PARP6: variants seen among roughly 807,000 people sequenced by gnomAD.
PARP6 encodes the protein protein mono-ADP-ribosyltransferase PARP6.
A neutral mutation model predicts 92.0 loss-of-function variants in PARP6; 27 were observed. That is an observed-to-expected ratio of 0.29 (90% CI 0.22 to 0.40). The LOEUF (loss-of-function observed/expected upper bound fraction) is 0.40, where lower values mean the gene tolerates loss of function less well. PARP6 is among the 10% of genes least tolerant of loss of function. The pLI is 1.00. For synonymous variants in PARP6, 272 were observed against 281.2 expected, an observed-to-expected ratio of 0.97 and a Z score of 0.33; for missense variants, 501 against 784.5, an observed-to-expected ratio of 0.64 and a Z score of 4.32.
At chr15:72,258,360 ACT>A (rs2085404962) in intron 11 of PARP6, among the ~76,000 whole-genome samples, 2 of 152,206 alleles carry the variant, frequency 1.3e-5, no homozygotes, top group Admixed American at 6.5e-5. Flanking sequence ...CTGGGTTAAC[ACT>A]GTACTTCTAA....
intron 13 of PARP6, 59 bp downstream of exon 13, chr15:72,257,289 G>C: frequency 8.5e-7 from 1 of 1,169,682 alleles, no homozygotes; most frequent in Non-Finnish European, 1.3e-6. Flanking sequence ...GAATGAAATT[G>C]CTGGGTTCCT....
chr15:72,259,939 TC>T (rs1371067142), intron 10 of PARP6, among the ~76,000 whole-genome samples: 1 of 152,224 alleles, frequency 6.6e-6, no homozygotes, highest in African/African-American at 2.4e-5. Flanking sequence ...ACATGACTTC[TC>T]CTTGAGATTC....
chr15:72,252,179 A>G (rs906879467), intron 16 of PARP6, among the ~76,000 whole-genome samples: 30 of 152,232 alleles, frequency 2.0e-4, no homozygotes, highest in Non-Finnish European at 2.5e-4. Context: ...GGCTCTGGAC[A>G]TTCTATATCA....
At chr15:72,266,696 C>G in intron 4 of PARP6, 49 bp downstream of exon 4, 1 of 1,350,576 alleles carries the variant, frequency 7.4e-7, no homozygotes, top group South Asian at 1.2e-5. Context: ...CAAAAAGCAG[C>G]ACATATCTAG....
At chr15:72,248,071 T>C (rs71395070) in intron 20 of PARP6, among the ~76,000 whole-genome samples, 2,051 of 152,284 alleles carry the variant, frequency 0.013, 21 homozygotes, top group East Asian at 0.028. Flanking sequence ...GTGCCCCGCC[T>C]TATTACCTTT....
In PARP6 at chr15:72,249,302, C is replaced by A; in HGVS notation, c.1504G>T (p.Ala502Ser). 6.3e-7 allele frequency: 1 copy of A among 1,593,318 alleles called. No homozygotes were observed. Among genetic ancestry groups the A allele is most frequent in the South Asian group, 1.1e-5 (1 of 89,250 alleles). Residue 502 changes from alanine to serine, a missense_variant, in exon 20 of 24, where the codon GCC becomes TCC. By Grantham distance (99) the Ala-to-Ser change is moderately conservative. This residue lies in a region of PARP6 where 191 missense variants were observed against 399.1 expected (regional missense o/e 0.48). Coordinates refer to ENST00000569795, the MANE Select transcript of PARP6 (RefSeq NM_001323532.2). Reference sequence around the variant, plus strand: ...CTCAGGTAGATGCCTTTGCCATAGGCTGCTCCATGCAGCTTGCAGGGAAAC... The same window carrying A: ...CTCAGGTAGATGCCTTTGCCATAGGATGCTCCATGCAGCTTGCAGGGAAAC... ...SYTKLQLHGAAYGKGIYLSPI... is the reference protein window; with the variant it reads ...SYTKLQLHGASYGKGIYLSPI...
At chr15:72,254,652 T>G (rs916238523) in intron 14 of PARP6, 132 bp from the exon 15 acceptor site, 1 of 661,214 alleles carries the variant, frequency 1.5e-6, no homozygotes, top group African/African-American at 1.8e-5. Context: ...GGAAAGAGCA[T>G]TAATGTCAGA....
chr15:72,249,975 G>C (rs1431489034), intron 19 of PARP6, 45 bp downstream of exon 19: 1 of 1,266,558 alleles, frequency 7.9e-7, no homozygotes, highest in Admixed American at 1.7e-5. Flanking sequence ...AACTGAGTAG[G>C]GAAGGGAGCG....
At chr15:72,265,047 A>T (rs1298395720) in intron 7 of PARP6, 34 bp downstream of exon 7, 2 of 1,415,518 alleles carry the variant, frequency 1.4e-6, no homozygotes, top group African/African-American at 2.8e-5. Flanking sequence ...GACCACACTC[A>T]GACCACCCAC....
Position 72,267,523 on chromosome 15 carries a change from C to A in PARP6, c.-46G>T, listed in dbSNP as rs766384903. 8 of 1,612,302 alleles carry A rather than the reference C, an allele frequency of 5.0e-6. No individual in the cohort carries two copies. Among genetic ancestry groups the A allele is most frequent in the Non-Finnish European group, 5.9e-6 (7 of 1,178,436 alleles). Reference sequence around the variant, plus strand: ...ACTCTCAGGTCAGTGCTAGGCAGCACCCCTCCATACCACTAGCCGAACCAA... The same window carrying A: ...ACTCTCAGGTCAGTGCTAGGCAGCAACCCTCCATACCACTAGCCGAACCAA... On this transcript the variant is annotated 5_prime_UTR_variant, in exon 3 of 24. Transcript: ENST00000569795.
rs2087591940 is a variant in PARP6, at chr15:72,272,469, G to A, written c.-536C>T. 6.6e-6 allele frequency: 1 copy of A among 151,978 alleles called. No homozygotes were observed. The highest frequency in any genetic ancestry group is 1.5e-5 in the Non-Finnish European group (1 of 68,006). The allele number at this position is 151,978 out of a possible 1,614,324, so 9.4% of individuals were successfully genotyped here. A position where few individuals can be genotyped will look rare whatever the true frequency, so the allele number is the denominator to read the frequency against. ...GGCCGCACCGCCCTGTGCCCGTGGT[G>A]GCGGCCACACAGGCCAGCCTGGCGA... is the stretch of plus-strand genomic sequence containing the variant. On this transcript the variant is annotated 5_prime_UTR_variant, in exon 1 of 24. Transcript: ENST00000569795.
chr15:72,250,810 C>T, intron 18 of PARP6, 35 bp downstream of exon 18: 1 of 1,015,332 alleles, frequency 9.8e-7, no homozygotes, highest in Non-Finnish European at 1.5e-6. Flanking sequence ...CCCGCCCCCT[C>T]ACCACCCCCA....
Position 72,256,527 on chromosome 15 carries a change from A to C in PARP6, c.1063T>G (p.Phe355Val). ...ALESPRKSIIFEPYPSVVDPT... is the reference protein window; with the variant it reads ...ALESPRKSIIVEPYPSVVDPT... ...TCCACCACAGAGGGATAAGGCTCAA[A>C]GATGATGCTCTTTCTAGGGGACTCT... Residue 355 changes from phenylalanine to valine, a missense_variant, in exon 14 of 24, where the codon TTT (phenylalanine) becomes GTT (valine). By Grantham distance (50) the Phe-to-Val change is conservative. Around this residue, in one of 4 missense-constraint regions of PARP6, gnomAD observed 191 missense variants for 399.1 expected, o/e 0.48. Coordinates refer to ENST00000569795, the MANE Select transcript of PARP6 (RefSeq NM_001323532.2). 6.3e-7 allele frequency: 1 copy of C among 1,598,826 alleles called. No homozygotes were observed. Among genetic ancestry groups the C allele is most frequent in the Non-Finnish European group, 8.5e-7 (1 of 1,173,524 alleles).
In PARP6 at chr15:72,241,809, G is replaced by C; in HGVS notation, c.1790+92C>G. The C allele has an allele frequency of 4.1e-6, 4 of 970,510 alleles. No individual in the cohort carries two copies. Among genetic ancestry groups the C allele is most frequent in the African/African-American group, 1.6e-5 (1 of 62,514 alleles). 60.1% of individuals were successfully genotyped at this position (970,510 alleles called of 1,614,324 possible). On this transcript the variant is annotated intron_variant, in intron 23 of 23. Transcript: ENST00000569795. The surrounding 1 kb of genome is among the most constrained non-coding windows in gnomAD (Gnocchi z 4.1). ...CTCAGGTAGCCAAGGACATGTCTCAGATAACAGAAATAGACTTTTCCCAGT... is the reference window on the plus strand; with the variant it reads ...CTCAGGTAGCCAAGGACATGTCTCACATAACAGAAATAGACTTTTCCCAGT...
intron 20 of PARP6, among the ~76,000 whole-genome samples, chr15:72,248,454 G>C (rs1213413119): frequency 6.6e-6 from 1 of 151,912 alleles, no homozygotes; most frequent in Admixed American, 6.6e-5. Context: ...CGATTCTCCT[G>C]CCTCAGCCTC....
Position 72,265,921 on chromosome 15 carries a change from T to C in PARP6, c.152A>G (p.Tyr51Cys), listed in dbSNP as rs747011006. The change falls in exon 5 of 24, where the codon TAC (tyrosine) becomes TGC (cysteine). Residue 51 changes from tyrosine to cysteine, a missense_variant. By Grantham distance (194) the Tyr-to-Cys change is radical. Transcript: ENST00000569795. ...CCTGATGGATACAGAGTTCTCACTG[T>C]AGATCTCCTTCACGGCTTCAATGTC... ...DADIEAVKEI[Y>C]SENSVSIREY... 2 of 1,613,536 alleles carry C rather than the reference T, an allele frequency of 1.2e-6. No homozygotes were observed. Among genetic ancestry groups the C allele is most frequent in the South Asian group, 1.1e-5 (1 of 91,072 alleles).
chr15:72,261,803 A>T (rs2085927811), intron 8 of PARP6, 96 bp from the exon 9 acceptor site: 2 of 1,181,296 alleles, frequency 1.7e-6, no homozygotes, highest in East Asian at 2.3e-5. Context: ...AGACCCAAGG[A>T]CTGCAAAGCT....
At chr15:72,249,174 C>A in intron 20 of PARP6, 71 bp downstream of exon 20, 1 of 829,384 alleles carries the variant, frequency 1.2e-6, no homozygotes, top group South Asian at 1.6e-5. Context: ...GAGGAACAGA[C>A]AGCACAAATC....
chr15:72,249,222 G>A (rs1473595988), intron 20 of PARP6, 23 bp downstream of exon 20: 7 of 1,445,144 alleles, frequency 4.8e-6, no homozygotes, highest in Non-Finnish European at 6.8e-6. Context: ...ATAGAGTCAA[G>A]GTGGCCACAG....
Sources: gnomAD v4.1 joint callset for allele counts (sites outside exome capture counted in the v4.1 genomes callset) on GRCh38, gnomAD v4.1.1 for gene constraint, gnomAD v4.1.1 regional missense constraint, Gnocchi (gnomAD v3.1) non-coding constraint, MANE v1.5 for transcripts, NCBI Gene and HGNC (gene_info 2026-07-23, HGNC 2026-07-21) for gene names.